WDR33: variants seen among roughly 807,000 people sequenced by gnomAD.
The protein encoded by WDR33 is WD repeat domain 33.
A neutral mutation model predicts 164.9 loss-of-function variants in WDR33; 47 were observed. The observed-to-expected ratio is 0.29, with a 90% CI of 0.23 to 0.36. The LOEUF is 0.36. Ranked by LOEUF, WDR33 falls within the 10% of genes least tolerant of loss-of-function variation. WDR33 has a pLI of 1.00. For synonymous variants in WDR33, 505 were observed against 589.0 expected, an observed-to-expected ratio of 0.86 and a Z score of 2.06; for missense variants, 1,137 against 1,754.1, an observed-to-expected ratio of 0.65 and a Z score of 6.28.
In WDR33 at chr2:127,722,815, T is replaced by C. The variant is rs887488614; in HGVS notation, c.1379-85A>G. On this transcript the variant is annotated intron_variant, in intron 13 of 21. Transcript: ENST00000322313. This position sits in a 1 kb window ranked among gnomAD's most constrained non-coding sequence, Gnocchi z 5.1. ...ATGAACACATTATTGGAAGAATAGA[T>C]TTTAAGTATTATGTCATTTATATAA... is the stretch of plus-strand genomic sequence containing the variant. 3.2e-5 allele frequency: 47 copies of C among 1,475,112 alleles called. No individual in the cohort carries two copies. The highest frequency in any genetic ancestry group is 4.0e-5 in the Non-Finnish European group (43 of 1,086,864). The allele number at this position is 1,475,112 out of a possible 1,614,324, so 91.4% of individuals were successfully genotyped here. A position where few individuals can be genotyped will look rare whatever the true frequency, so the allele number is the denominator to read the frequency against.
chr2:127,763,419 T>C lies in WDR33; in HGVS notation c.627-260A>G, dbSNP rs968989934. The C allele has an allele frequency of 3.3e-6, 4 of 1,210,882 alleles. No homozygotes were observed. In the African/African-American group the frequency reaches 4.6e-5, roughly 14 times the overall value. The allele number at this position is 1,210,882 out of a possible 1,614,324, so 75.0% of individuals were successfully genotyped here. ...GTGTGTATTATTAGTGCTAATGCTA[T>C]CCATGTTCCTTCTCTATTTTCTATG... On this transcript the variant is annotated intron_variant, in intron 6 of 21. Transcript: ENST00000322313. The surrounding 1 kb of genome is among the most constrained non-coding windows in gnomAD (Gnocchi z 4.5).
At chr2:127,715,499 T>C (rs567866916) in intron 17 of WDR33, among the ~76,000 whole-genome samples, 4 of 152,332 alleles carry the variant, frequency 2.6e-5, no homozygotes, top group Admixed American at 2.6e-4. Context: ...GGAGTCTCTC[T>C]CTTCCAGCTC....
At chr2:127,742,480 T>C (rs1459480618) in intron 7 of WDR33, among the ~76,000 whole-genome samples, 1 of 147,594 alleles carries the variant, frequency 6.8e-6, no homozygotes, top group Admixed American at 6.8e-5. Flanking sequence ...TGAGCCATGA[T>C]TGCACCGCTG....
In WDR33 at chr2:127,723,241, C is replaced by T; in HGVS notation, c.1291+12G>A. The T allele has an allele frequency of 6.2e-7, 1 of 1,608,434 alleles. No homozygotes were observed. Among genetic ancestry groups the T allele is most frequent in the African/African-American group, 1.3e-5 (1 of 74,904 alleles). On this transcript the variant is annotated intron_variant, in intron 12 of 21. Coordinates refer to ENST00000322313, the MANE Select transcript of WDR33 (RefSeq NM_018383.5). The surrounding 1 kb of genome is among the most constrained non-coding windows in gnomAD (Gnocchi z 5.9). ...CAGATTTCAAAGAAGGACAGATGTG[C>T]AAGAGTCTCACCATATTCTACTCCA...
chr2:127,756,657 G>A (rs1449592702), intron 7 of WDR33, among the ~76,000 whole-genome samples: 2 of 152,090 alleles, frequency 1.3e-5, no homozygotes, highest in Non-Finnish European at 2.9e-5. Context: ...AAAACGAACT[G>A]AAGCATACAA....
At chr2:127,742,686 A>C (rs1055571176) in intron 7 of WDR33, among the ~76,000 whole-genome samples, 1 of 151,936 alleles carries the variant, frequency 6.6e-6, no homozygotes, top group Non-Finnish European at 1.5e-5. Context: ...AATACTAGAT[A>C]GACAGCTCCA....
chr2:127,777,987 T>C (rs949410541), intron 1 of WDR33, among the ~76,000 whole-genome samples: 2 of 152,130 alleles, frequency 1.3e-5, no homozygotes, highest in Non-Finnish European at 2.9e-5. Context: ...ACTGAAATTA[T>C]AGCTGAAGAT....
rs886110109 is a variant in WDR33 at position 127,724,875 on chromosome 2, A to C, written c.1085+12T>G. 1 of 1,613,996 alleles carries C rather than the reference A, an allele frequency of 6.2e-7. No individual in the cohort carries two copies. The highest frequency in any genetic ancestry group is 1.7e-5 in the Admixed American group (1 of 60,014). ...ACAAAATACACTACTTTTTCACATA[A>C]ATCTTACATACCCAACATGCCAGAA... On this transcript the variant is annotated intron_variant, in intron 10 of 21. Transcript: ENST00000322313. This position sits in a 1 kb window ranked among gnomAD's most constrained non-coding sequence, Gnocchi z 4.8.
chr2:127,711,780 A>ATATATATTTTTTTTTTTTTTTTTTTTTTT, intron 18 of WDR33, among the ~76,000 whole-genome samples: 1 of 88,320 alleles, frequency 1.1e-5, no homozygotes, highest in African/African-American at 6.5e-5. Context: ...ATATATATAT[A>ATATATATTTTTTTTTTTTTTTTTTTTTTT]TTTTTTTTTT....
chr2:127,798,261 G>C (rs1001341772), intron 1 of WDR33, among the ~76,000 whole-genome samples: 2 of 150,906 alleles, frequency 1.3e-5, no homozygotes, highest in Admixed American at 1.3e-4. Flanking sequence ...CCAGCTACCA[G>C]GGGGGCTGAG....
At position 127,725,168 on chromosome 2, in the gene WDR33, C is replaced by T; in HGVS notation, c.899G>A (p.Gly300Asp). The T allele has an allele frequency of 6.2e-7, 1 of 1,613,126 alleles. No homozygotes were observed. The highest frequency in any genetic ancestry group is 1.1e-5 in the South Asian group (1 of 90,630). The change falls in exon 9 of 22, where the codon GGC (glycine) becomes GAC (aspartate). Residue 300 changes from glycine to aspartate, a missense_variant. Transcript: ENST00000322313. ...TVMEVKLNLNGNWLLTASRDH... is the reference protein window; with the variant it reads ...TVMEVKLNLNDNWLLTASRDH... Reference sequence around the variant, plus strand: ...ACGTGATGCTGTGAGTAGCCAATTGCCATTGAGGTTTAATTTCACTTCCAT... The same window carrying T: ...ACGTGATGCTGTGAGTAGCCAATTGTCATTGAGGTTTAATTTCACTTCCAT...
chr2:127,770,755 T>A lies in WDR33; in HGVS notation c.204+23A>T. 1 of 1,519,218 alleles carries A rather than the reference T, an allele frequency of 6.6e-7. No individual in the cohort carries two copies. The highest frequency in any genetic ancestry group is 8.9e-7 in the Non-Finnish European group (1 of 1,119,744). 94.1% of individuals were successfully genotyped at this position (1,519,218 alleles called of 1,614,324 possible). On this transcript the variant is annotated intron_variant, in intron 2 of 21. Coordinates refer to ENST00000322313, the MANE Select transcript of WDR33 (RefSeq NM_018383.5). This position sits in a 1 kb window ranked among gnomAD's most constrained non-coding sequence, Gnocchi z 4.9. ...AATAAATAACCAAAGTTTGGTCATC[T>A]GAAGCACATAAATCAGGCTTACCTC... is the stretch of plus-strand genomic sequence containing the variant.
At position 127,727,983 on chromosome 2, in the gene WDR33, TCCCAACACAATA is replaced by T. The variant is rs1266013898; in HGVS notation, c.725-1218_725-1207del. Among the ~76,000 whole-genome samples the T allele has an allele frequency of 5.3e-5, 8 of 152,306 alleles. No homozygotes were observed. In the East Asian group the frequency reaches 9.6e-4, roughly 18 times the overall value. ...TGGGTCTCAAATGGACATAGGTTTATCCCAACACAATACCCCGTACTGGCAAGCATGTAGGGA... is the reference window on the plus strand; with the variant it reads ...TGGGTCTCAAATGGACATAGGTTTATCCCCGTACTGGCAAGCATGTAGGGA... On this transcript the variant is annotated intron_variant, in intron 7 of 21. Coordinates refer to ENST00000322313, the MANE Select transcript of WDR33 (RefSeq NM_018383.5).
At chr2:127,725,256 C>A in intron 8 of WDR33, 41 bp from the exon 9 acceptor site, 2 of 1,563,866 alleles carry the variant, frequency 1.3e-6, no homozygotes, top group Non-Finnish European at 8.6e-7. Context: ...GAATTCAAAA[C>A]AAGTATAAAT....
intron 1 of WDR33, among the ~76,000 whole-genome samples, chr2:127,809,031 C>CA (rs11305287): frequency 0.02 from 1,730 of 84,692 alleles, 25 homozygotes; most frequent in South Asian, 0.033. Flanking sequence ...ACTCTTGTCT[C>CA]AAAAAAAAAA....
At chr2:127,776,628 G>A (rs1354578853) in intron 1 of WDR33, among the ~76,000 whole-genome samples, 2 of 152,188 alleles carry the variant, frequency 1.3e-5, no homozygotes, top group Non-Finnish European at 2.9e-5. Context: ...AGCCTGGGAG[G>A]TCAAGGCTGC....
rs533275496 is a variant in WDR33 at position 127,734,230 on chromosome 2, A to G, written c.725-7453T>C. Among the ~76,000 whole-genome samples the G allele has an allele frequency of 1.8e-3, 278 of 152,364 alleles. 3 individuals are homozygous for G. Among genetic ancestry groups the G allele is most frequent in the African/African-American group, 6.5e-3 (269 of 41,586 alleles). ...CGGAATGAAGGAATGTGACAACCAT[A>G]AACTAACTCCACCAAAAGAAATTCC... On this transcript the variant is annotated intron_variant, in intron 7 of 21. Transcript: ENST00000322313.
Position 127,702,238 on chromosome 2 carries a change from GC to G in WDR33, c.*4084del. Reference sequence around the variant, plus strand: ...GCCAGCGCCGTCGGAGACCGCGCCGGCCGAGCTGAGGACTGCACGCCGCTGT... The same window carrying G: ...GCCAGCGCCGTCGGAGACCGCGCCGGCGAGCTGAGGACTGCACGCCGCTGT... On this transcript the variant is annotated 3_prime_UTR_variant, in exon 22 of 22. Coordinates refer to ENST00000322313, the MANE Select transcript of WDR33 (RefSeq NM_018383.5). 8.4e-7 allele frequency: 1 copy of G among 1,183,656 alleles called. No individual in the cohort carries two copies. The highest frequency in any genetic ancestry group is 1.1e-6 in the Non-Finnish European group (1 of 948,926). 73.3% of individuals were successfully genotyped at this position (1,183,656 alleles called of 1,614,324 possible). A position where few individuals can be genotyped will look rare whatever the true frequency, so the allele number is the denominator to read the frequency against.
Position 127,701,752 on chromosome 2 carries a change from A to G in WDR33, c.*4571T>C, listed in dbSNP as rs1685888572. 2 of 1,418,452 alleles carry G rather than the reference A, an allele frequency of 1.4e-6. No homozygotes were observed. The highest frequency in any genetic ancestry group is 1.8e-6 in the Non-Finnish European group (2 of 1,085,910). The allele number at this position is 1,418,452 out of a possible 1,614,324, so 87.9% of individuals were successfully genotyped here. The stretch of plus-strand genomic sequence containing the variant: ...TGCCTCCCGAGCGTGACGCGCGGGC[A>G]GCGGCTGGCGGCGGGCGGCGGGTGC... On this transcript the variant is annotated 3_prime_UTR_variant, in exon 22 of 22. Coordinates refer to ENST00000322313, the MANE Select transcript of WDR33 (RefSeq NM_018383.5).
Sources: allele counts gnomAD v4.1 joint callset (sites outside exome capture counted in the v4.1 genomes callset), GRCh38; gene constraint gnomAD v4.1.1; non-coding constraint Gnocchi (gnomAD v3.1); transcripts MANE v1.5; gene names NCBI Gene and HGNC (gene_info 2026-07-23, HGNC 2026-07-21).